Variants in RERE observed in about 807,000 individuals in gnomAD.
The protein encoded by RERE is arginine-glutamic acid dipeptide repeats, also known as arginine-glutamic acid dipeptide repeats protein.
Under a neutral mutation model 146.1 loss-of-function variants are expected in RERE, and 40 were observed. The observed-to-expected ratio is 0.27, with a 90% CI of 0.21 to 0.36. RERE has a LOEUF of 0.36. Among genes scored for constraint, RERE ranks in the 10% least tolerant of loss-of-function variants. The pLI, the probability that RERE is intolerant of heterozygous loss-of-function variation, is 1.00. For synonymous variants in RERE, 1,003 were observed against 866.0 expected (o/e 1.16, Z -2.78); for missense variants, 1,933 against 2,138.7 (o/e 0.90, Z 1.90).
Position 8,557,414 on chromosome 1 carries a change from T to G in RERE, c.628+4A>C, listed in dbSNP as rs370618214. 3.9e-6 allele frequency: 6 copies of G among 1,557,500 alleles called. No individual in the cohort carries two copies. In the African/African-American group the frequency reaches 8.1e-5, roughly 21 times the overall value. The stretch of plus-strand genomic sequence containing the variant: ...CACAAATCAAACCACAAGGACATAT[T>G]TACCATTTTCATTATGTCGATCCTG... On this transcript the variant is annotated splice_donor_region_variant and intron_variant, in intron 5 of 22. Coordinates refer to ENST00000400908, the MANE Select transcript of RERE (RefSeq NM_001042681.2).
intron 8 of RERE, among the ~76,000 whole-genome samples, chr1:8,497,827 A>T (rs2124244924): frequency 6.6e-6 from 1 of 152,344 alleles, no homozygotes; most frequent in South Asian, 2.1e-4. Context: ...CATAAAATAA[A>T]CAAAAAAACA....
At chr1:8,376,742 C>T (rs6678140) in intron 12 of RERE, among the ~76,000 whole-genome samples, 110,264 of 152,260 alleles carry the variant, frequency 0.72, 40,386 homozygotes, top group East Asian at 0.92. Flanking sequence ...TAAAGAGATA[C>T]GGGCTCTGCC....
chr1:8,356,484 C>T lies in RERE; in HGVS notation c.4340-238G>A, dbSNP rs935393589. ...CCGCTGATGCAGGCACTCCCTCGTC[C>T]GCTTGTGGAGTGCCCCTAACAGGCA... On this transcript the variant is annotated intron_variant, in intron 20 of 22. Coordinates refer to ENST00000400908, the MANE Select transcript of RERE (RefSeq NM_001042681.2). This position sits in a 1 kb window ranked among gnomAD's most constrained non-coding sequence, Gnocchi z 5.2. Among the ~76,000 whole-genome samples, 13 of 152,098 alleles carry T rather than the reference C, an allele frequency of 8.5e-5. No homozygotes were observed. The highest frequency in any genetic ancestry group is 2.4e-4 in the African/African-American group (10 of 41,410).
chr1:8,568,484 T>A (rs1646178560), intron 4 of RERE, among the ~76,000 whole-genome samples: 1 of 152,222 alleles, frequency 6.6e-6, no homozygotes, highest in South Asian at 2.1e-4. Context: ...GGTGATTAGA[T>A]CACAAGGAGC....
chr1:8,509,057 G>C (rs1645294964), intron 7 of RERE, among the ~76,000 whole-genome samples: 1 of 152,114 alleles, frequency 6.6e-6, no homozygotes, highest in Non-Finnish European at 1.5e-5. Context: ...TAGGATTTCA[G>C]GTGCCTACCA....
intron 1 of RERE, among the ~76,000 whole-genome samples, chr1:8,678,059 G>A (rs571966015): frequency 2.0e-5 from 3 of 152,266 alleles, no homozygotes; most frequent in South Asian, 2.1e-4. Flanking sequence ...GCAGCCCTCC[G>A]GAAGCCTGGT....
At chr1:8,520,939 T>A (rs559150344) in intron 7 of RERE, among the ~76,000 whole-genome samples, 52 of 151,806 alleles carry the variant, frequency 3.4e-4, no homozygotes, top group African/African-American at 1.2e-3. Context: ...CAAGCAAGCA[T>A]GTCTACAACA....
rs116133115 is a variant in RERE, at chr1:8,765,457, T to C, written c.-145+51703A>G. ...ACAACTCTGTGAACACAAAAAACAA[T>C]TGAATTGTACAATTTAAGTAGGTAA... On this transcript the variant is annotated intron_variant, in intron 1 of 22. Coordinates refer to ENST00000400908, the MANE Select transcript of RERE (RefSeq NM_001042681.2). Among the ~76,000 whole-genome samples, 880 of 152,260 alleles carry C rather than the reference T, an allele frequency of 5.8e-3. 9 individuals are homozygous for C. The highest frequency in any genetic ancestry group is 0.02 in the African/African-American group (837 of 41,526).
At chr1:8,758,193 C>A (rs1232693927) in intron 1 of RERE, among the ~76,000 whole-genome samples, 1 of 151,886 alleles carries the variant, frequency 6.6e-6, no homozygotes, top group Non-Finnish European at 1.5e-5. Context: ...TCAAGCAATT[C>A]TCCTGCCTGA....
intron 7 of RERE, among the ~76,000 whole-genome samples, chr1:8,528,989 C>G (rs911075252): frequency 6.6e-6 from 1 of 152,162 alleles, no homozygotes; most frequent in African/African-American, 2.4e-5. Context: ...GTGCTCAAAG[C>G]ATTCTGGATT....
chr1:8,603,185 G>T (rs901854283), intron 4 of RERE, among the ~76,000 whole-genome samples: 3 of 152,202 alleles, frequency 2.0e-5, no homozygotes, highest in African/African-American at 7.2e-5. Flanking sequence ...AGAGTTCAGA[G>T]GCACAAGATT....
intron 20 of RERE, among the ~76,000 whole-genome samples, chr1:8,357,019 G>T (rs1005919358): frequency 2.0e-5 from 3 of 152,136 alleles, no homozygotes; most frequent in African/African-American, 7.2e-5. Flanking sequence ...CTCTCCTGAC[G>T]GCCTTCTCGA....
At position 8,360,737 on chromosome 1, in the gene RERE, C is replaced by A; in HGVS notation, c.2770G>T (p.Ala924Ser). 1 of 1,595,960 alleles carries A rather than the reference C, an allele frequency of 6.3e-7. No homozygotes were observed. The highest frequency in any genetic ancestry group is 8.5e-7 in the Non-Finnish European group (1 of 1,174,106). Reference protein sequence around the residue: ...REQPLPPAPLAMPHIKPPPTT... With the variant: ...REQPLPPAPLSMPHIKPPPTT... ...GGCGGGGGCTTGATGTGGGGCATGG[C>A]CAAGGGCGCTGGTGGCAGGGGCTGC... Residue 924 changes from alanine to serine, a missense_variant, in exon 18 of 23, where the codon GCC (alanine) becomes TCC (serine). Ala to Ser is a moderately conservative substitution (Grantham distance 99, BLOSUM62 1). This residue lies in a region of RERE where 1,255 missense variants were observed against 1,153.8 expected (regional missense o/e 1.09). Coordinates refer to ENST00000400908, the MANE Select transcript of RERE (RefSeq NM_001042681.2).
chr1:8,727,152 G>A (rs1001575017), intron 1 of RERE, among the ~76,000 whole-genome samples: 16 of 149,388 alleles, frequency 1.1e-4, no homozygotes, highest in East Asian at 2.0e-4. Context: ...TGGAGGGCGC[G>A]GGGTGGGGGG....
chr1:8,720,131 G>A (rs1310980530), intron 1 of RERE, among the ~76,000 whole-genome samples: 2 of 151,914 alleles, frequency 1.3e-5, no homozygotes, highest in Non-Finnish European at 2.9e-5. Context: ...AATTTAGCTG[G>A]GCATGGTGGT....
At chr1:8,753,156 C>T (rs577427769) in intron 1 of RERE, among the ~76,000 whole-genome samples, 29 of 152,234 alleles carry the variant, frequency 1.9e-4, no homozygotes, top group East Asian at 1.5e-3. Context: ...GAGTTTCCTT[C>T]GGATGTTTCA....
chr1:8,454,301 G>T (rs936817408), intron 11 of RERE, among the ~76,000 whole-genome samples: 1 of 152,210 alleles, frequency 6.6e-6, no homozygotes, highest in African/African-American at 2.4e-5. Flanking sequence ...ATGTGTACAC[G>T]TGTGTTTTCA....
At chr1:8,646,848 G>C (rs955498932) in intron 2 of RERE, among the ~76,000 whole-genome samples, 1 of 152,150 alleles carries the variant, frequency 6.6e-6, no homozygotes, top group Admixed American at 6.5e-5. Flanking sequence ...AGGCTGGGTG[G>C]AGTGGCTCAT....
At chr1:8,520,770 A>AAAAAAC (rs1473202373) in intron 7 of RERE, among the ~76,000 whole-genome samples, 3 of 150,786 alleles carry the variant, frequency 2.0e-5, no homozygotes, top group East Asian at 1.9e-4. Flanking sequence ...AAAAAAAAAA[A>AAAAAAC]AAAAAACCAC....
Sources: allele counts gnomAD v4.1 joint callset (sites outside exome capture counted in the v4.1 genomes callset), GRCh38; gene constraint gnomAD v4.1.1; regional missense constraint gnomAD v4.1.1; non-coding constraint Gnocchi (gnomAD v3.1); transcripts MANE v1.5; gene names NCBI Gene and HGNC (gene_info 2026-07-23, HGNC 2026-07-21).